MS4A1: variants seen among roughly 807,000 people sequenced by gnomAD.
The protein encoded by MS4A1 is B-lymphocyte antigen CD20.
In MS4A1, 16 loss-of-function variants were observed where a neutral mutation model predicts 26.5. That is an observed-to-expected ratio of 0.60 (90% CI 0.41 to 0.92). The LOEUF (loss-of-function observed/expected upper bound fraction) is 0.92, where lower values mean the gene tolerates loss of function less well. MS4A1 is among the 40% of genes least tolerant of loss of function. The probability of loss-of-function intolerance (pLI) is 0.00; values close to 1 mark genes in which losing one functional copy is unlikely to be tolerated. For missense variants in MS4A1, 350 were observed against 353.0 expected (o/e 0.99, Z 0.07); for synonymous variants, 128 against 117.6 (o/e 1.09, Z -0.57).
chr11:60,461,002 G>C (rs937918409), intron 1 of MS4A1, 70 bp from the exon 2 acceptor site: 3 of 151,696 alleles, frequency 2.0e-5, no homozygotes, highest in African/African-American at 7.2e-5. Flanking sequence ...TTCCAACATG[G>C]GTTCTTTGCA....
intron 1 of MS4A1, among the ~76,000 whole-genome samples, chr11:60,456,294 A>G (rs2086202899): frequency 6.6e-6 from 1 of 152,192 alleles, no homozygotes; most frequent in Non-Finnish European, 1.5e-5. Flanking sequence ...CTAAACCTCT[A>G]AAGCCTCAGC....
chr11:60,464,198 GTT>G, intron 4 of MS4A1, 88 bp from the exon 5 acceptor site: 1 of 911,852 alleles, frequency 1.1e-6, no homozygotes, highest in South Asian at 1.4e-5. Context: ...TTTCTGACCA[GTT>G]ATCAATGTTA....
intron 6 of MS4A1, 67 bp from the exon 7 acceptor site, chr11:60,466,892 C>G: frequency 6.9e-7 from 1 of 1,455,588 alleles, no homozygotes; most frequent in Non-Finnish European, 9.7e-7. Flanking sequence ...CAATAACTTA[C>G]TGAACACCAA....
Position 60,462,510 on chromosome 11 carries a change from A to G in MS4A1, c.136A>G (p.Met46Val), listed in dbSNP as rs1221258124. ...GGTGGGCCCCACGCAAAGCTTCTTC[A>G]TGAGGGAATCTAAGACTTTGGGGGT... is the stretch of plus-strand genomic sequence containing the variant. ...SLVGPTQSFF[M>V]RESKTLGAVQ... is the part of the protein sequence containing the mutation. The change falls in exon 3 of 8, where the codon ATG becomes GTG. Residue 46 changes from methionine (M) to valine (V), a missense_variant. Coordinates refer to ENST00000345732, the MANE Select transcript of MS4A1 (RefSeq NM_152866.3). The G allele has an allele frequency of 6.2e-7, 1 of 1,614,040 alleles. No individual in the cohort carries two copies. The highest frequency in any genetic ancestry group is 1.7e-5 in the Admixed American group (1 of 59,994).
rs755539451 is a variant in MS4A1, at chr11:60,464,361, CCTT to C, written c.336+21_336+23del. On this transcript the variant is annotated intron_variant, in intron 5 of 7. Coordinates refer to ENST00000345732, the MANE Select transcript of MS4A1 (RefSeq NM_152866.3). ...AAGTGTTTGGCAAGTAACCATATGT[CCTT>C]CTTTCCCACATGTCAGAGAAGTACC... 65 of 1,609,236 alleles carry C rather than the reference CCTT, an allele frequency of 4.0e-5. No homozygotes were observed. Among genetic ancestry groups the C allele is most frequent in the Non-Finnish European group, 1.2e-5 (14 of 1,176,236 alleles).
At position 60,466,129 on chromosome 11, in the gene MS4A1, A is replaced by G. The variant is rs1359452268; in HGVS notation, c.545A>G (p.Tyr182Cys). 1 of 1,611,866 alleles carries G rather than the reference A, an allele frequency of 6.2e-7. No homozygotes were observed. Among genetic ancestry groups the G allele is most frequent in the Non-Finnish European group, 8.5e-7 (1 of 1,178,140 alleles). ...GAGAAAAACTCCCCATCTACCCAAT[A>G]CTGTTACAGCATACAATCTCTGTTC... The part of the protein sequence containing the change: ...PSEKNSPSTQ[Y>C]CYSIQSLFLG... The change falls in exon 6 of 8, where the codon TAC becomes TGC. Residue 182 changes from tyrosine to cysteine, a missense_variant. Transcript: ENST00000345732.
At position 60,464,283 on chromosome 11, in the gene MS4A1, T is replaced by G. The variant is rs1022403538; in HGVS notation, c.280-5T>G. ...CTCCATCTCCCCCACCTCTCTTTTT[T>G]ACAGTATATTATTTCCGGATCACTC... On this transcript the variant is annotated splice_region_variant and splice_polypyrimidine_tract_variant and intron_variant, in intron 4 of 7. Transcript: ENST00000345732. The G allele has an allele frequency of 6.5e-7, 1 of 1,549,606 alleles. No homozygotes were observed. The highest frequency in any genetic ancestry group is 1.4e-5 in the African/African-American group (1 of 72,014).
chr11:60,458,674 A>G (rs1354902181), intron 1 of MS4A1, among the ~76,000 whole-genome samples: 1 of 152,248 alleles, frequency 6.6e-6, no homozygotes, highest in Non-Finnish European at 1.5e-5. Flanking sequence ...TGATAAGGCA[A>G]AATTGCGAGA....
intron 1 of MS4A1, among the ~76,000 whole-genome samples, chr11:60,457,252 T>G (rs2086211936): frequency 6.6e-6 from 1 of 152,050 alleles, no homozygotes; most frequent in Non-Finnish European, 1.5e-5. Flanking sequence ...AGAGGACATG[T>G]ATAGACCAGT....
rs201552453 is a variant in MS4A1, at chr11:60,468,884, C to T, written c.*416C>T. 5.5e-6 allele frequency: 1 copy of T among 182,168 alleles called. No individual in the cohort carries two copies. The highest frequency in any genetic ancestry group is 2.4e-5 in the African/African-American group (1 of 41,742). 11.3% of individuals were successfully genotyped at this position (182,168 alleles called of 1,614,324 possible). On this transcript the variant is annotated 3_prime_UTR_variant, in exon 8 of 8. Coordinates refer to ENST00000345732, the MANE Select transcript of MS4A1 (RefSeq NM_152866.3). ...CTATCTTTTTTTTATTCCACATCTA[C>T]GTTTTTGGTGGAGTCCCTTTTGCAT... is the stretch of plus-strand genomic sequence containing the variant.
chr11:60,470,502 C>G lies in MS4A1; in HGVS notation c.*2034C>G, dbSNP rs907861347. ...CCTCAAATAATTAGTTTTAGCTGACCTCACATAACTCCTTATAATAGGAGA... is the reference window on the plus strand; with the variant it reads ...CCTCAAATAATTAGTTTTAGCTGACGTCACATAACTCCTTATAATAGGAGA... On this transcript the variant is annotated 3_prime_UTR_variant, in exon 8 of 8. Coordinates refer to ENST00000345732, the MANE Select transcript of MS4A1 (RefSeq NM_152866.3). The G allele has an allele frequency of 6.6e-6, 1 of 151,798 alleles. No individual in the cohort carries two copies. Among genetic ancestry groups the G allele is most frequent in the Admixed American group, 6.6e-5 (1 of 15,230 alleles). 9.4% of individuals were successfully genotyped at this position (151,798 alleles called of 1,614,324 possible).
chr11:60,468,458 G>C lies in MS4A1; in HGVS notation c.884G>C (p.Ser295Thr). The change falls in exon 8 of 8, where the codon AGC becomes ACC. Residue 295 changes from serine to threonine, a missense_variant. Transcript: ENST00000345732. ...GAATCCTCACCAATAGAAAATGACA[G>C]CTCTCCTTAAGTGATTTCTTCTGTT... ...DQESSPIEND[S>T]SP is the part of the protein sequence containing the mutation. 1 of 1,613,874 alleles carries C rather than the reference G, an allele frequency of 6.2e-7. No individual in the cohort carries two copies. Among genetic ancestry groups the C allele is most frequent in the Non-Finnish European group, 8.5e-7 (1 of 1,179,802 alleles).
intron 1 of MS4A1, among the ~76,000 whole-genome samples, chr11:60,458,960 T>C (rs1164893372): frequency 6.6e-6 from 1 of 151,364 alleles, no homozygotes; most frequent in African/African-American, 2.5e-5. Flanking sequence ...TGAGATACCA[T>C]TTTAACAGAG....
intron 2 of MS4A1, among the ~76,000 whole-genome samples, chr11:60,461,588 C>T (rs2135196082): frequency 6.6e-6 from 1 of 151,772 alleles, no homozygotes; most frequent in South Asian, 2.1e-4. Context: ...GGCATGATCT[C>T]AGCTCACTGC....
chr11:60,468,571 C>A lies in MS4A1; in HGVS notation c.*103C>A, dbSNP rs200295884. The A allele has an allele frequency of 6.9e-5, 71 of 1,030,552 alleles. No individual in the cohort carries two copies. Among genetic ancestry groups the A allele is most frequent in the Non-Finnish European group, 1.0e-4 (67 of 669,490 alleles). The allele number at this position is 1,030,552 out of a possible 1,614,324, so 63.8% of individuals were successfully genotyped here. A position where few individuals can be genotyped will look rare whatever the true frequency, so the allele number is the denominator to read the frequency against. On this transcript the variant is annotated 3_prime_UTR_variant, in exon 8 of 8. Transcript: ENST00000345732. The stretch of plus-strand genomic sequence containing the variant: ...CTTGAGGTACTCTGCACATACGCAC[C>A]ACATCTCTATCTGGCCTTTGCATGG...
chr11:60,468,110 A>C, intron 7 of MS4A1, 140 bp from the exon 8 acceptor site: 1 of 720,350 alleles, frequency 1.4e-6, no homozygotes, highest in Non-Finnish European at 2.3e-6. Context: ...CCTGCAAAAA[A>C]ATTTTGGCAT....
rs1405909633 is a variant in MS4A1, at chr11:60,462,488, G to A, written c.114G>A (p.Val38=). 5 of 1,614,176 alleles carry A rather than the reference G, an allele frequency of 3.1e-6. No homozygotes were observed. Among genetic ancestry groups the A allele is most frequent in the Admixed American group, 1.7e-5 (1 of 60,022 alleles). ...KPLFRRMSSL[V]GPTQSFFMRE... Reference sequence around the variant, plus strand: ...TCTTCAGGAGGATGTCTTCACTGGTGGGCCCCACGCAAAGCTTCTTCATGA... The same window carrying A: ...TCTTCAGGAGGATGTCTTCACTGGTAGGCCCCACGCAAAGCTTCTTCATGA... Residue 38 remains valine, a synonymous_variant, in exon 3 of 8, where the codon GTG becomes GTA. Transcript: ENST00000345732.
rs1341482345 is a variant in MS4A1, at chr11:60,462,897, C to T, written c.160-105C>T. The stretch of plus-strand genomic sequence containing the variant: ...TGGCACCTCCACTGCTTCCTTTAGG[C>T]ATTCCTCACAGCTCCAAGTCAGGAG... On this transcript the variant is annotated intron_variant, in intron 3 of 7. Coordinates refer to ENST00000345732, the MANE Select transcript of MS4A1 (RefSeq NM_152866.3). 3.3e-6 allele frequency: 5 copies of T among 1,537,394 alleles called. No homozygotes were observed. In the East Asian group the frequency reaches 1.1e-4, roughly 35 times the overall value.
intron 1 of MS4A1, among the ~76,000 whole-genome samples, chr11:60,459,056 A>G (rs137978921): frequency 2.0e-5 from 3 of 152,354 alleles, no homozygotes; most frequent in Non-Finnish European, 4.4e-5. Flanking sequence ...ATTGGCTTAC[A>G]AAAAAGTTTA....
Sources: gnomAD v4.1 joint callset for allele counts (sites outside exome capture counted in the v4.1 genomes callset) on GRCh38, gnomAD v4.1.1 for gene constraint, MANE v1.5 for transcripts, NCBI Gene and HGNC (gene_info 2026-07-23, HGNC 2026-07-21) for gene names.